RNF24: variants seen among roughly 807,000 people sequenced by gnomAD.
RNF24 encodes the protein ring finger protein 24.
In RNF24, 14 loss-of-function variants were observed where a neutral mutation model predicts 20.0. That is an observed-to-expected ratio of 0.70 (90% CI 0.46 to 1.10). The LOEUF (loss-of-function observed/expected upper bound fraction) is 1.10, where lower values mean the gene tolerates loss of function less well. Ranked by LOEUF, RNF24 falls within the 50% of genes least tolerant of loss-of-function variation. The probability of loss-of-function intolerance (pLI) is 0.00; values close to 1 mark genes in which losing one functional copy is unlikely to be tolerated. For synonymous variants in RNF24, 45 were observed against 61.1 expected (o/e 0.74, Z 1.23); for missense variants, 124 against 177.6 (o/e 0.70, Z 1.71).
At chr20:3,940,953 T>C (rs768194341) in intron 4 of RNF24, among the ~76,000 whole-genome samples, 4 of 152,156 alleles carry the variant, frequency 2.6e-5, no homozygotes, top group South Asian at 2.1e-4. Context: ...AGAAGGAAAC[T>C]TGAAACACTG....
At chr20:4,010,170 C>T (rs796237697) in intron 1 of RNF24, among the ~76,000 whole-genome samples, 11 of 151,954 alleles carry the variant, frequency 7.2e-5, no homozygotes, top group Non-Finnish European at 1.2e-4. Flanking sequence ...GTCAGGATTT[C>T]GAGACCAGCC....
At position 3,934,930 on chromosome 20, in the gene RNF24, A is replaced by C; in HGVS notation, c.308+64T>G. The C allele has an allele frequency of 7.1e-7, 1 of 1,417,322 alleles. No homozygotes were observed. Among genetic ancestry groups the C allele is most frequent in the Admixed American group, 1.7e-5 (1 of 59,020 alleles). The allele number at this position is 1,417,322 out of a possible 1,614,324, so 87.8% of individuals were successfully genotyped here. On this transcript the variant is annotated intron_variant, in intron 5 of 5. Transcript: ENST00000358395. This position sits in a 1 kb window ranked among gnomAD's most constrained non-coding sequence, Gnocchi z 4.0. Reference sequence around the variant, plus strand: ...CTTGTCTGGCACTGCCCTAAAACCCAAAAGAAGTTGGTTGATGTGCCTCAA... The same window carrying C: ...CTTGTCTGGCACTGCCCTAAAACCCCAAAGAAGTTGGTTGATGTGCCTCAA...
rs1979549805 is a variant in RNF24, at chr20:3,982,952, T to C, written c.-7-18928A>G. Among the ~76,000 whole-genome samples, 5 of 152,306 alleles carry C rather than the reference T, an allele frequency of 3.3e-5. No individual in the cohort carries two copies. The South Asian group carries it at 1.0e-3, about 32-fold the overall frequency. On this transcript the variant is annotated intron_variant, in intron 1 of 5. Coordinates refer to ENST00000358395, the MANE Select transcript of RNF24 (RefSeq NM_001134337.3). Reference sequence around the variant, plus strand: ...GCTATGAGGGATCTATCTTCATGAATGGATTAATGCCATTACCAAGGAAGT... The same window carrying C: ...GCTATGAGGGATCTATCTTCATGAACGGATTAATGCCATTACCAAGGAAGT...
intron 1 of RNF24, among the ~76,000 whole-genome samples, chr20:4,014,737 GCGCA>G (rs1393824424): frequency 2.8e-5 from 3 of 106,350 alleles, no homozygotes; most frequent in African/African-American, 4.3e-5. Flanking sequence ...TCACTTGAAT[GCGCA>G]CACACACACA....
rs938348006 is a variant in RNF24, at chr20:3,933,820, T to C, written c.*243A>G. On this transcript the variant is annotated 3_prime_UTR_variant, in exon 6 of 6. Transcript: ENST00000358395. ...TAGTAAGAGACCCTCATGAAGTTTC[T>C]TGAGGCAAACCCGCAGGCTCATCCA... The C allele has an allele frequency of 1.5e-5, 5 of 335,888 alleles. No homozygotes were observed. The highest frequency in any genetic ancestry group is 1.1e-4 in the African/African-American group (5 of 47,230). 20.8% of individuals were successfully genotyped at this position (335,888 alleles called of 1,614,324 possible).
intron 1 of RNF24, among the ~76,000 whole-genome samples, chr20:3,979,077 G>C (rs1415740205): frequency 6.8e-6 from 1 of 146,536 alleles, no homozygotes; most frequent in East Asian, 2.0e-4. Flanking sequence ...CTAGGCAAAA[G>C]AGTGAGACTC....
intron 1 of RNF24, among the ~76,000 whole-genome samples, chr20:4,008,373 T>TATATA (rs1568672320): frequency 2.1e-4 from 2 of 9,392 alleles, no homozygotes; most frequent in African/African-American, 7.5e-4. Context: ...ATATATATTA[T>TATATA]ATATATAATA....
chr20:3,968,433 AC>A (rs1198341292), intron 1 of RNF24, among the ~76,000 whole-genome samples: 1 of 152,114 alleles, frequency 6.6e-6, no homozygotes, highest in Non-Finnish European at 1.5e-5. Context: ...ACACAGGGAG[AC>A]CCCACCTGTA....
chr20:3,978,900 G>A (rs1258581610), intron 1 of RNF24, among the ~76,000 whole-genome samples: 2 of 151,982 alleles, frequency 1.3e-5, no homozygotes, highest in Non-Finnish European at 2.9e-5. Context: ...GAGGTCAGGA[G>A]TTCAAGATCA....
intron 2 of RNF24, 56 bp from the exon 3 acceptor site, chr20:3,948,335 G>T: frequency 7.9e-7 from 1 of 1,265,300 alleles, no homozygotes. Flanking sequence ...GTAACTTGAA[G>T]AAAAATAAAA....
intron 1 of RNF24, among the ~76,000 whole-genome samples, chr20:3,980,796 G>T (rs1314258534): frequency 6.6e-6 from 1 of 152,010 alleles, no homozygotes; most frequent in African/African-American, 2.4e-5. Flanking sequence ...TAAAGATTGA[G>T]ATAATTTAGA....
chr20:3,976,336 A>T (rs1978865549), intron 1 of RNF24, among the ~76,000 whole-genome samples: 1 of 152,252 alleles, frequency 6.6e-6, no homozygotes, highest in Non-Finnish European at 1.5e-5. Context: ...TTACTAAATT[A>T]AACCTATCAG....
chr20:3,935,154 G>A, intron 4 of RNF24, 81 bp from the exon 5 acceptor site: 1 of 1,125,806 alleles, frequency 8.9e-7, no homozygotes, highest in Non-Finnish European at 1.3e-6. Flanking sequence ...GCTCCTAAAG[G>A]CTCAACCGTT....
At chr20:3,961,354 G>T (rs1463772993) in intron 2 of RNF24, among the ~76,000 whole-genome samples, 1 of 150,744 alleles carries the variant, frequency 6.6e-6, no homozygotes, top group Non-Finnish European at 1.5e-5. Context: ...TGAGCCTCAT[G>T]TCACTGCACT....
At chr20:3,948,404 T>A (rs2091045329) in intron 2 of RNF24, 125 bp from the exon 3 acceptor site, 2 of 650,712 alleles carry the variant, frequency 3.1e-6, no homozygotes, top group African/African-American at 1.9e-5. Context: ...TAAATTAGAA[T>A]CTTTACCCTG....
At position 3,935,154 on chromosome 20, in the gene RNF24, G is replaced by C. The variant is rs78631212; in HGVS notation, c.229-81C>G. ...CAAAGTAGAGTGCAGGCTCCTAAAG[G>C]CTCAACCGTTTGAAGGGACTCATGA... On this transcript the variant is annotated intron_variant, in intron 4 of 5. Transcript: ENST00000358395. 1.0e-3 allele frequency: 1,141 copies of C among 1,125,800 alleles called. 9 individuals carry two copies. The African/African-American group carries it at 0.015, about 15-fold the overall frequency. 69.7% of individuals were successfully genotyped at this position (1,125,800 alleles called of 1,614,324 possible).
At chr20:3,949,062 G>A (rs763015735) in intron 2 of RNF24, among the ~76,000 whole-genome samples, 6 of 152,118 alleles carry the variant, frequency 3.9e-5, no homozygotes, top group South Asian at 4.1e-4. Flanking sequence ...GTATATACCC[G>A]GGAGTAGAAC....
intron 2 of RNF24, among the ~76,000 whole-genome samples, chr20:3,957,470 AT>A (rs11289320): frequency 0.31 from 43,055 of 140,890 alleles, 6,593 homozygotes; most frequent in Non-Finnish European, 0.34. Context: ...AAAAAAAAAA[AT>A]AATAATAATA....
chr20:4,009,087 G>A (rs1982217364), intron 1 of RNF24, among the ~76,000 whole-genome samples: 2 of 152,248 alleles, frequency 1.3e-5, no homozygotes, highest in Middle Eastern at 3.4e-3. Context: ...CTGTCCTAGG[G>A]GACAGAGTGG....
Sources: gnomAD v4.1 joint callset for allele counts (sites outside exome capture counted in the v4.1 genomes callset) on GRCh38, gnomAD v4.1.1 for gene constraint, Gnocchi (gnomAD v3.1) non-coding constraint, MANE v1.5 for transcripts, NCBI Gene and HGNC (gene_info 2026-07-23, HGNC 2026-07-21) for gene names.